The following ROR1 variants were observed in gnomAD, a reference collection of about 807,000 sequenced individuals.
The protein encoded by ROR1 is inactive tyrosine-protein kinase transmembrane receptor ROR1.
In ROR1, 19 loss-of-function variants were observed where a neutral mutation model predicts 78.8. The ratio of observed to expected loss-of-function variants is 0.24; its 90% CI spans 0.17 to 0.35. The LOEUF is 0.35. Among genes scored for constraint, ROR1 ranks in the 10% least tolerant of loss-of-function variants. ROR1 has a pLI of 1.00. For synonymous variants in ROR1, 386 were observed against 433.6 expected (o/e 0.89, Z 1.36); for missense variants, 917 against 1,177.8 (o/e 0.78, Z 3.24).
intron 4 of ROR1, among the ~76,000 whole-genome samples, chr1:64,122,474 A>C (rs1167186501): frequency 6.6e-6 from 1 of 152,254 alleles, no homozygotes; most frequent in Middle Eastern, 3.4e-3. Context: ...TTATGTATTC[A>C]TCGATCCTTC....
intron 1 of ROR1, among the ~76,000 whole-genome samples, chr1:63,807,224 C>T (rs112356611): frequency 3.3e-5 from 5 of 152,294 alleles, no homozygotes; most frequent in South Asian, 4.1e-4. Context: ...AATTGCTTTA[C>T]GGAAATGCTG....
At chr1:63,840,397 AGCCTCCT>A (rs1645042444) in intron 1 of ROR1, among the ~76,000 whole-genome samples, 1 of 150,942 alleles carries the variant, frequency 6.6e-6, no homozygotes, top group Non-Finnish European at 1.5e-5. Context: ...CTCCTGCCTC[AGCCTCCT>A]GAGTAGCTGG....
intron 1 of ROR1, chr1:63,788,997 C>A: frequency 1.5e-6 from 1 of 645,732 alleles, no homozygotes; most frequent in Non-Finnish European, 3.0e-6. Flanking sequence ...GAGCAGCCAG[C>A]ACAGAATCCT....
chr1:64,015,320 C>T (rs1646511643), intron 2 of ROR1, among the ~76,000 whole-genome samples: 1 of 152,118 alleles, frequency 6.6e-6, no homozygotes. Flanking sequence ...TTTTCCTAGC[C>T]AACTAGCATG....
At chr1:64,015,497 C>T (rs1646513667) in intron 2 of ROR1, among the ~76,000 whole-genome samples, 1 of 152,158 alleles carries the variant, frequency 6.6e-6, no homozygotes, top group African/African-American at 2.4e-5. Context: ...CCTCTTGTCC[C>T]CACTCTGTTA....
chr1:63,778,653 A>G (rs560934257), intron 1 of ROR1, among the ~76,000 whole-genome samples: 48 of 152,366 alleles, frequency 3.2e-4, no homozygotes, highest in African/African-American at 1.1e-3. Context: ...ACAAACACTT[A>G]TCTAATCCTT....
At chr1:64,141,160 G>A (rs1215967099) in intron 6 of ROR1, among the ~76,000 whole-genome samples, 2 of 152,140 alleles carry the variant, frequency 1.3e-5, no homozygotes, top group Non-Finnish European at 2.9e-5. Context: ...TGCACTAATG[G>A]TACATGTAAT....
intron 1 of ROR1, among the ~76,000 whole-genome samples, chr1:63,869,985 A>C (rs1003407583): frequency 2.0e-5 from 3 of 152,232 alleles, no homozygotes; most frequent in African/African-American, 7.2e-5. Context: ...TCTGTACATA[A>C]TATGCTTTTG....
intron 1 of ROR1, among the ~76,000 whole-genome samples, chr1:63,784,332 C>T (rs1382734260): frequency 6.6e-6 from 1 of 152,196 alleles, no homozygotes; most frequent in Admixed American, 6.6e-5. Flanking sequence ...GAACTTTCTG[C>T]TCTAAAGACT....
At chr1:64,043,264 A>G (rs1402997217) in intron 2 of ROR1, among the ~76,000 whole-genome samples, 1 of 152,248 alleles carries the variant, frequency 6.6e-6, no homozygotes, top group African/African-American at 2.4e-5. Flanking sequence ...TGGGTAAATA[A>G]TAAATGGGGT....
At chr1:64,042,246 G>T (rs2100582953) in intron 2 of ROR1, among the ~76,000 whole-genome samples, 1 of 152,210 alleles carries the variant, frequency 6.6e-6, no homozygotes, top group South Asian at 2.1e-4. Flanking sequence ...AATTAAATTA[G>T]AATCTCTAAG....
At chr1:63,898,366 AT>A (rs903483264) in intron 1 of ROR1, among the ~76,000 whole-genome samples, 138 of 131,760 alleles carry the variant, frequency 1.0e-3, no homozygotes, top group East Asian at 9.6e-3. Context: ...AGATGCTTAC[AT>A]TTTTTTTTTT....
At chr1:63,977,978 G>C (rs1033153531) in intron 1 of ROR1, among the ~76,000 whole-genome samples, 1 of 152,146 alleles carries the variant, frequency 6.6e-6, no homozygotes, top group African/African-American at 2.4e-5. Context: ...ACGATAGTCT[G>C]CACAGATTTT....
chr1:63,940,921 G>A (rs1645833822), intron 1 of ROR1, among the ~76,000 whole-genome samples: 1 of 152,178 alleles, frequency 6.6e-6, no homozygotes, highest in Non-Finnish European at 1.5e-5. Flanking sequence ...GAAGGGCACA[G>A]CATCATTTGT....
At chr1:64,042,046 T>C (rs1220939560) in intron 2 of ROR1, among the ~76,000 whole-genome samples, 1 of 152,160 alleles carries the variant, frequency 6.6e-6, no homozygotes, top group Non-Finnish European at 1.5e-5. Flanking sequence ...GGGATTGTAG[T>C]GGAGAATACT....
Position 63,774,914 on chromosome 1 carries a change from G to C in ROR1, c.91+406G>C, listed in dbSNP as rs608254. On this transcript the variant is annotated intron_variant, in intron 1 of 8. Coordinates refer to ENST00000371079, the MANE Select transcript of ROR1 (RefSeq NM_005012.4). This position sits in a 1 kb window ranked among gnomAD's most constrained non-coding sequence, Gnocchi z 5.7. ...CTATCCTGCCCCCAAGTTGCGAGCCGGCCCGGAAGGCGCGGTCCAGGAGGG... is the reference window on the plus strand; with the variant it reads ...CTATCCTGCCCCCAAGTTGCGAGCCCGCCCGGAAGGCGCGGTCCAGGAGGG... 0.089 allele frequency among the ~76,000 whole-genome samples: 13,556 copies of C among 152,148 alleles called. 648 individuals are homozygous for C. The highest frequency in any genetic ancestry group is 0.11 in the Non-Finnish European group (7,246 of 67,988).
chr1:64,169,180 C>G (rs1050886066), intron 8 of ROR1, among the ~76,000 whole-genome samples: 1 of 152,192 alleles, frequency 6.6e-6, no homozygotes, highest in African/African-American at 2.4e-5. Flanking sequence ...CAAAAATACT[C>G]CTCTAATTTT....
intron 1 of ROR1, among the ~76,000 whole-genome samples, chr1:63,920,738 T>C (rs1190235882): frequency 1.3e-5 from 2 of 152,178 alleles, no homozygotes; most frequent in African/African-American, 4.8e-5. Flanking sequence ...AATTTTTTTA[T>C]GCATTACAAA....
chr1:64,166,107 A>G (rs1650078597), intron 8 of ROR1, among the ~76,000 whole-genome samples: 1 of 152,186 alleles, frequency 6.6e-6, no homozygotes, highest in African/African-American at 2.4e-5. Context: ...TCCCAGAACC[A>G]TTTATTTTAC....
Sources: allele counts gnomAD v4.1 joint callset (sites outside exome capture counted in the v4.1 genomes callset), GRCh38; gene constraint gnomAD v4.1.1; non-coding constraint Gnocchi (gnomAD v3.1); transcripts MANE v1.5; gene names NCBI Gene and HGNC (gene_info 2026-07-23, HGNC 2026-07-21).